The following MYT1L variants were observed in gnomAD, a reference collection of about 807,000 sequenced individuals.
MYT1L encodes the protein myelin transcription factor 1 like.
Under a neutral mutation model 126.7 loss-of-function variants are expected in MYT1L, and 12 were observed. That is an observed-to-expected ratio of 0.09 (90% confidence interval 0.06 to 0.15). The LOEUF is 0.15. MYT1L is among the 10% of genes least tolerant of loss of function. The pLI, the probability that MYT1L is intolerant of heterozygous loss-of-function variation, is 1.00. For missense variants in MYT1L, 979 were observed against 1,585.2 expected (o/e 0.62, Z 6.49); for synonymous variants, 541 against 604.2 (o/e 0.90, Z 1.53).
chr2:2,087,014 C>G (rs2076422239), intron 3 of MYT1L, among the ~76,000 whole-genome samples: 1 of 152,162 alleles, frequency 6.6e-6, no homozygotes, highest in African/African-American at 2.4e-5. Context: ...TCCCTGACTT[C>G]CCAAGCTCCA....
chr2:1,840,896 C>T (rs1398741376), intron 19 of MYT1L, 53 bp from the exon 20 acceptor site: 17 of 962,462 alleles, frequency 1.8e-5, no homozygotes, highest in Non-Finnish European at 2.4e-5. Flanking sequence ...TTTCAGTGAG[C>T]TTTCTTTCTT....
intron 2 of MYT1L, among the ~76,000 whole-genome samples, chr2:2,242,123 G>C (rs1559437707): frequency 6.6e-6 from 1 of 152,280 alleles, no homozygotes; most frequent in East Asian, 1.9e-4. Flanking sequence ...AATGTCAGAA[G>C]TACGAGCTTT....
intron 2 of MYT1L, among the ~76,000 whole-genome samples, chr2:2,237,194 TC>T (rs1224425092): frequency 6.6e-6 from 1 of 152,150 alleles, no homozygotes; most frequent in Non-Finnish European, 1.5e-5. Flanking sequence ...CCTTTCTGGA[TC>T]CCTCTTTGTT....
chr2:2,028,830 C>T (rs185757927), intron 4 of MYT1L, among the ~76,000 whole-genome samples: 154 of 151,914 alleles, frequency 1.0e-3, no homozygotes, highest in Non-Finnish European at 2.5e-4. Context: ...ATGGGAGACG[C>T]AAAGGAAAAA....
chr2:2,175,253 C>A (rs1044644391), intron 2 of MYT1L, among the ~76,000 whole-genome samples: 1 of 152,134 alleles, frequency 6.6e-6, no homozygotes, highest in Non-Finnish European at 1.5e-5. Context: ...AAGAAGCCAG[C>A]TCCTGGTGAC....
At chr2:1,990,575 T>A (rs2061377838) in intron 5 of MYT1L, among the ~76,000 whole-genome samples, 1 of 152,030 alleles carries the variant, frequency 6.6e-6, no homozygotes, top group African/African-American at 2.4e-5. Flanking sequence ...TGCCTTTGTC[T>A]CCTCTTAGCT....
chr2:1,934,476 C>T (rs2055555915), intron 9 of MYT1L, among the ~76,000 whole-genome samples: 1 of 151,754 alleles, frequency 6.6e-6, no homozygotes, highest in Non-Finnish European at 1.5e-5. Flanking sequence ...TGCATGAAGT[C>T]TCATTTATTT....
intron 2 of MYT1L, among the ~76,000 whole-genome samples, chr2:2,256,805 G>A (rs953212820): frequency 3.9e-5 from 6 of 152,232 alleles, no homozygotes; most frequent in Non-Finnish European, 7.3e-5. Flanking sequence ...TATGTCAGCA[G>A]TGACAAATGG....
chr2:1,885,470 G>A (rs1291416888), intron 18 of MYT1L: 1 of 152,668 alleles, frequency 6.6e-6, no homozygotes, highest in African/African-American at 2.4e-5. Context: ...GGTGATCTAG[G>A]GCCCTAGGGC....
intron 1 of MYT1L, among the ~76,000 whole-genome samples, chr2:2,294,957 T>C (rs2095649874): frequency 6.7e-6 from 1 of 148,810 alleles, no homozygotes. Flanking sequence ...AGTGATGTTC[T>C]TTTTTTTTTA....
At chr2:2,013,239 C>T (rs1200169578) in intron 4 of MYT1L, among the ~76,000 whole-genome samples, 1 of 152,186 alleles carries the variant, frequency 6.6e-6, no homozygotes, top group Admixed American at 6.5e-5. Context: ...TCACTCCTGC[C>T]TCAACTTCCC....
intron 2 of MYT1L, among the ~76,000 whole-genome samples, chr2:2,199,627 G>A (rs1282953337): frequency 6.6e-6 from 1 of 152,176 alleles, no homozygotes; most frequent in Non-Finnish European, 1.5e-5. Context: ...AGAAGCCACC[G>A]ACTTTATAAG....
chr2:1,796,858 G>T (rs1558579144), intron 23 of MYT1L, among the ~76,000 whole-genome samples: 1 of 152,142 alleles, frequency 6.6e-6, no homozygotes, highest in Non-Finnish European at 1.5e-5. Flanking sequence ...GCACTCATGT[G>T]GTTCACACAA....
At chr2:1,819,616 A>C (rs1001900169) in intron 21 of MYT1L, among the ~76,000 whole-genome samples, 57 of 152,130 alleles carry the variant, frequency 3.7e-4, no homozygotes, top group African/African-American at 1.3e-3. Context: ...CTGCCAGTGC[A>C]GTTCGGGCAG....
intron 3 of MYT1L, among the ~76,000 whole-genome samples, chr2:2,073,263 A>G (rs1262256557): frequency 6.6e-6 from 1 of 150,882 alleles, no homozygotes; most frequent in Non-Finnish European, 1.5e-5. Context: ...ATATTTCTGC[A>G]CCATCTCATC....
intron 8 of MYT1L, among the ~76,000 whole-genome samples, chr2:1,949,790 G>A (rs972852463): frequency 6.6e-6 from 1 of 152,156 alleles, no homozygotes; most frequent in African/African-American, 2.4e-5. Flanking sequence ...ACCAGAGAGC[G>A]GGGCTCGGAA....
At chr2:2,236,780 TCTTCTTCTTCTTCTTCTTCTTCTTC>T (rs1559420323) in intron 2 of MYT1L, among the ~76,000 whole-genome samples, 3 of 46,934 alleles carry the variant, frequency 6.4e-5, no homozygotes, top group African/African-American at 1.3e-4. Flanking sequence ...TTCTTCTTCT[TCTTCTTCTTCTTCTTCTTCTTCTTC>T]TTCTTCTTCT....
At chr2:2,157,363 C>T (rs905492515) in intron 3 of MYT1L, among the ~76,000 whole-genome samples, 1 of 152,148 alleles carries the variant, frequency 6.6e-6, no homozygotes, top group African/African-American at 2.4e-5. Flanking sequence ...CTTAAACAAA[C>T]TTAATATGTC....
At chr2:1,977,675 A>C (rs1046109405) in intron 8 of MYT1L, among the ~76,000 whole-genome samples, 1 of 152,222 alleles carries the variant, frequency 6.6e-6, no homozygotes, top group Non-Finnish European at 1.5e-5. Context: ...TGTACACATA[A>C]AAATTAGAAT....
Sources: allele counts gnomAD v4.1 joint callset (sites outside exome capture counted in the v4.1 genomes callset), GRCh38; gene constraint gnomAD v4.1.1; transcripts MANE v1.5; gene names NCBI Gene and HGNC (gene_info 2026-07-23, HGNC 2026-07-21).